Variants in EML6 observed in about 807,000 individuals in gnomAD.
The protein encoded by EML6 is echinoderm microtubule-associated protein-like 6.
A neutral mutation model predicts 240.1 loss-of-function variants in EML6; 154 were observed. The observed-to-expected ratio is 0.64, with a 90% CI of 0.56 to 0.73. The LOEUF (loss-of-function observed/expected upper bound fraction) is 0.73. Ranked by LOEUF, EML6 falls within the 30% of genes least tolerant of loss-of-function variation. EML6 has a pLI of 0.00. For synonymous variants in EML6, 1,148 were observed against 899.0 expected (o/e 1.28, Z -4.95); for missense variants, 2,964 against 2,474.6 (o/e 1.20, Z -4.20).
chr2:54,931,146 A>G (rs1454711031), intron 28 of EML6, among the ~76,000 whole-genome samples: 1 of 151,670 alleles, frequency 6.6e-6, no homozygotes, highest in Non-Finnish European at 1.5e-5. Flanking sequence ...TTTAGTAGAG[A>G]CGGGGTTTCA....
At chr2:54,846,521 T>C (rs553594808) in intron 8 of EML6, among the ~76,000 whole-genome samples, 1 of 151,322 alleles carries the variant, frequency 6.6e-6, no homozygotes, top group East Asian at 1.9e-4. Flanking sequence ...CCTTGCTCTG[T>C]TTCCCAGGCT....
At chr2:54,814,971 T>A (rs1668017307) in intron 3 of EML6, among the ~76,000 whole-genome samples, 1 of 152,246 alleles carries the variant, frequency 6.6e-6, no homozygotes, top group Non-Finnish European at 1.5e-5. Flanking sequence ...ACTTCCTGAA[T>A]AAACTGAAGT....
chr2:54,762,760 G>T (rs1477507880), intron 2 of EML6, among the ~76,000 whole-genome samples: 1 of 152,060 alleles, frequency 6.6e-6, no homozygotes, highest in Non-Finnish European at 1.5e-5. Flanking sequence ...CATCATAGCT[G>T]TTCCAGGTCC....
intron 2 of EML6, among the ~76,000 whole-genome samples, chr2:54,750,488 A>G (rs1684110728): frequency 6.6e-6 from 1 of 152,186 alleles, no homozygotes; most frequent in Non-Finnish European, 1.5e-5. Flanking sequence ...AAACAAAGGA[A>G]TTTAGTGGCT....
intron 2 of EML6, among the ~76,000 whole-genome samples, chr2:54,758,465 C>T (rs1667835693): frequency 6.6e-6 from 1 of 152,138 alleles, no homozygotes; most frequent in Non-Finnish European, 1.5e-5. Flanking sequence ...GTTCTATTTT[C>T]TCATCTTTGC....
intron 24 of EML6, among the ~76,000 whole-genome samples, chr2:54,908,646 A>C (rs1480871776): frequency 6.6e-6 from 1 of 152,076 alleles, no homozygotes; most frequent in African/African-American, 2.4e-5. Flanking sequence ...TCTGGGTCTT[A>C]TCTCTGCCTT....
chr2:54,805,865 A>G (rs906846816), intron 2 of EML6, among the ~76,000 whole-genome samples: 1 of 152,110 alleles, frequency 6.6e-6, no homozygotes, highest in Non-Finnish European at 1.5e-5. Context: ...TTTTTTCCAT[A>G]TGGATACCTA....
At chr2:54,828,717 T>C (rs891552968) in intron 6 of EML6, among the ~76,000 whole-genome samples, 65 of 152,266 alleles carry the variant, frequency 4.3e-4, no homozygotes, top group African/African-American at 1.5e-3. Flanking sequence ...CTGGATCTTA[T>C]GTCAACATTA....
At chr2:54,798,323 C>A (rs1315419212) in intron 2 of EML6, among the ~76,000 whole-genome samples, 2 of 152,084 alleles carry the variant, frequency 1.3e-5, no homozygotes, top group African/African-American at 2.4e-5. Context: ...TAGGTGCGCA[C>A]CACCATGCCT....
intron 26 of EML6, among the ~76,000 whole-genome samples, chr2:54,921,890 T>G (rs1674275714): frequency 6.6e-6 from 1 of 152,136 alleles, no homozygotes; most frequent in Non-Finnish European, 1.5e-5. Context: ...AAGAATGAAT[T>G]TGGACTTTAT....
chr2:54,924,773 G>A (rs773640038), intron 26 of EML6, among the ~76,000 whole-genome samples: 10 of 152,268 alleles, frequency 6.6e-5, no homozygotes, highest in South Asian at 6.2e-4. Context: ...GTGTTGGCCA[G>A]ACTGGTCTCG....
intron 2 of EML6, among the ~76,000 whole-genome samples, chr2:54,779,764 A>T: frequency 6.6e-6 from 1 of 151,142 alleles, no homozygotes; most frequent in Middle Eastern, 3.2e-3. Context: ...TGGAAGGCTG[A>T]AGTGGGAGGA....
At chr2:54,924,131 T>C (rs1412769128) in intron 26 of EML6, among the ~76,000 whole-genome samples, 1 of 152,214 alleles carries the variant, frequency 6.6e-6, no homozygotes, top group Non-Finnish European at 1.5e-5. Context: ...GGTAAATATA[T>C]AGGAGTGGAA....
intron 2 of EML6, among the ~76,000 whole-genome samples, chr2:54,802,751 A>C (rs574767062): frequency 6.6e-6 from 1 of 152,162 alleles, no homozygotes; most frequent in Non-Finnish European, 1.5e-5. Flanking sequence ...CTACTATTTG[A>C]GTGCCCACTG....
At position 54,774,492 on chromosome 2, in the gene EML6, T is replaced by C. The variant is rs2103818856; in HGVS notation, c.198-38740T>C. Among the ~76,000 whole-genome samples, 1 of 152,260 alleles carries C rather than the reference T, an allele frequency of 6.6e-6. No homozygotes were observed. Among genetic ancestry groups the C allele is most frequent in the African/African-American group, 2.4e-5 (1 of 41,568 alleles). On this transcript the variant is annotated intron_variant, in intron 2 of 41. Coordinates refer to ENST00000356458, the MANE Select transcript of EML6 (RefSeq NM_001039753.4). The surrounding 1 kb of genome is among the most constrained non-coding windows in gnomAD (Gnocchi z 4.1). ...AGCACTACCAGCAACATATCCTTCA[T>C]GGAAGGGGGTTCTGGATGGTTTTTA... is the stretch of plus-strand genomic sequence containing the variant.
rs1672715539 is a variant in EML6 at position 54,895,475 on chromosome 2, G to A, written c.2982+75G>A. 6 of 1,471,010 alleles carry A rather than the reference G, an allele frequency of 4.1e-6. No homozygotes were observed. In the East Asian group the frequency reaches 9.9e-5, roughly 24 times the overall value. The allele number at this position is 1,471,010 out of a possible 1,614,324, so 91.1% of individuals were successfully genotyped here. Reference sequence around the variant, plus strand: ...AGAGTGAGGCAAAGTTGATGCTTAGGTTGCAAAACTTAAGGAGGCACTCAC... The same window carrying A: ...AGAGTGAGGCAAAGTTGATGCTTAGATTGCAAAACTTAAGGAGGCACTCAC... On this transcript the variant is annotated intron_variant, in intron 21 of 41. Coordinates refer to ENST00000356458, the MANE Select transcript of EML6 (RefSeq NM_001039753.4).
At position 54,847,636 on chromosome 2, in the gene EML6, G is replaced by A. The variant is rs1405362276; in HGVS notation, c.1187+13G>A. 5 of 1,551,370 alleles carry A rather than the reference G, an allele frequency of 3.2e-6. No homozygotes were observed. The highest frequency in any genetic ancestry group is 2.6e-6 in the Non-Finnish European group (3 of 1,146,432). On this transcript the variant is annotated intron_variant, in intron 9 of 41. Transcript: ENST00000356458. ...TTCTCCGAGTCAGGCACGTACTGATGTTGAAAATGGTATTTAGAAATGCTC... is the reference window on the plus strand; with the variant it reads ...TTCTCCGAGTCAGGCACGTACTGATATTGAAAATGGTATTTAGAAATGCTC...
intron 5 of EML6, among the ~76,000 whole-genome samples, chr2:54,827,353 A>G (rs1056948428): frequency 6.7e-4 from 102 of 152,208 alleles, no homozygotes; most frequent in Non-Finnish European, 3.1e-4. Context: ...TGAAAGTTTT[A>G]AAAGTGTTGT....
chr2:54,804,526 G>A (rs922444793), intron 2 of EML6, among the ~76,000 whole-genome samples: 6 of 152,198 alleles, frequency 3.9e-5, no homozygotes, highest in African/African-American at 1.4e-4. Flanking sequence ...TCTGCGAGTT[G>A]ATAAATGTGA....
Sources: allele counts gnomAD v4.1 joint callset (sites outside exome capture counted in the v4.1 genomes callset), GRCh38; gene constraint gnomAD v4.1.1; non-coding constraint Gnocchi (gnomAD v3.1); transcripts MANE v1.5; gene names NCBI Gene and HGNC (gene_info 2026-07-23, HGNC 2026-07-21).